ASAP3: variants seen among roughly 807,000 people sequenced by gnomAD.
ASAP3 encodes ArfGAP with SH3 domain, ankyrin repeat and PH domain 3, also known as arf-GAP with SH3 domain, ANK repeat and PH domain-containing protein 3.
A neutral mutation model predicts 118.2 loss-of-function variants in ASAP3; 85 were observed. The observed-to-expected ratio is 0.72, with a 90% CI of 0.60 to 0.86. The LOEUF is 0.86. Among genes scored for constraint, ASAP3 ranks in the 40% least tolerant of loss-of-function variants. The pLI is 0.00. For missense variants in ASAP3, 1,026 were observed against 1,175.0 expected, an observed-to-expected ratio of 0.87 and a Z score of 1.85; for synonymous variants, 432 against 477.4, an observed-to-expected ratio of 0.90 and a Z score of 1.24.
intron 5 of ASAP3, among the ~76,000 whole-genome samples, chr1:23,450,047 C>A (rs969923152): frequency 1.3e-5 from 2 of 152,204 alleles, no homozygotes; most frequent in African/African-American, 4.8e-5. Flanking sequence ...CCATCACAGG[C>A]AGGGATAGGG....
At chr1:23,430,405 C>T in intron 24 of ASAP3, among the ~76,000 whole-genome samples, 1 of 152,212 alleles carries the variant, frequency 6.6e-6, no homozygotes, top group Admixed American at 6.5e-5. Flanking sequence ...CTAGGTTCAA[C>T]TAATATATGC....
intron 1 of ASAP3, among the ~76,000 whole-genome samples, chr1:23,474,652 C>T (rs746538377): frequency 2.6e-5 from 4 of 152,042 alleles, no homozygotes; most frequent in Non-Finnish European, 4.4e-5. Flanking sequence ...GGCGCAATCT[C>T]GGCTCACTGC....
chr1:23,463,022 C>T (rs752004501), intron 1 of ASAP3, among the ~76,000 whole-genome samples: 4 of 152,004 alleles, frequency 2.6e-5, no homozygotes, highest in Non-Finnish European at 4.4e-5. Flanking sequence ...GGAGGGAATG[C>T]TTGGTAAAAA....
intron 10 of ASAP3, among the ~76,000 whole-genome samples, chr1:23,440,627 C>T (rs931608023): frequency 1.4e-5 from 2 of 147,990 alleles, no homozygotes; most frequent in Admixed American, 6.7e-5. Context: ...GAGGCTGAGG[C>T]GGGCGGATCA....
At chr1:23,471,348 A>G (rs2148657917) in intron 1 of ASAP3, among the ~76,000 whole-genome samples, 1 of 152,200 alleles carries the variant, frequency 6.6e-6, no homozygotes, top group Non-Finnish European at 1.5e-5. Context: ...TCCTATGCCC[A>G]CTACAGGCTT....
intron 5 of ASAP3, among the ~76,000 whole-genome samples, chr1:23,449,932 AG>A (rs1243456278): frequency 3.3e-5 from 5 of 152,370 alleles, no homozygotes; most frequent in Middle Eastern, 3.4e-3. Context: ...AAGGTAACTC[AG>A]GAAGAAGAGG....
At chr1:23,444,043 A>G (rs893856504) in intron 5 of ASAP3, among the ~76,000 whole-genome samples, 14 of 151,862 alleles carry the variant, frequency 9.2e-5, no homozygotes, top group African/African-American at 3.1e-4. Flanking sequence ...TAACTTTTGT[A>G]TTTTTAGTAG....
intron 1 of ASAP3, among the ~76,000 whole-genome samples, chr1:23,457,941 G>C (rs553367051): frequency 6.6e-6 from 1 of 152,358 alleles, no homozygotes; most frequent in African/African-American, 2.4e-5. Context: ...TTAGCTTGGT[G>C]CTAGGCATGG....
At chr1:23,480,115 T>C (rs1642262461) in intron 1 of ASAP3, 1 of 152,280 alleles carries the variant, frequency 6.6e-6, no homozygotes, top group African/African-American at 2.4e-5. Context: ...TGAGCCATGA[T>C]TGTGCCACTG....
At chr1:23,451,840 C>T (rs1641224872) in intron 4 of ASAP3, among the ~76,000 whole-genome samples, 1 of 152,168 alleles carries the variant, frequency 6.6e-6, no homozygotes, top group Non-Finnish European at 1.5e-5. Context: ...ACCCTGAGTC[C>T]TCTTGCTCAG....
chr1:23,452,967 G>A (rs986536455), intron 3 of ASAP3, among the ~76,000 whole-genome samples, 196 bp from the exon 4 acceptor site: 3 of 152,070 alleles, frequency 2.0e-5, no homozygotes, highest in Non-Finnish European at 4.4e-5. Context: ...CTGCGGGGGG[G>A]GACTAGAGGA....
chr1:23,454,778 G>A (rs2148635344), intron 3 of ASAP3, among the ~76,000 whole-genome samples: 1 of 152,338 alleles, frequency 6.6e-6, no homozygotes, highest in East Asian at 1.9e-4. Flanking sequence ...TTACCATAAA[G>A]TAGGCACTAA....
chr1:23,446,689 C>T (rs749411847), intron 5 of ASAP3, among the ~76,000 whole-genome samples: 1 of 152,144 alleles, frequency 6.6e-6, no homozygotes, highest in South Asian at 2.1e-4. Context: ...CTGCCTGCCT[C>T]GGCCTCCCAA....
At chr1:23,444,520 G>A (rs1398520122) in intron 5 of ASAP3, among the ~76,000 whole-genome samples, 2 of 152,204 alleles carry the variant, frequency 1.3e-5, no homozygotes, top group South Asian at 2.1e-4. Flanking sequence ...CCCTCTCTGA[G>A]CCTTGGTCTC....
At chr1:23,435,757 G>A (rs1339191616) in intron 17 of ASAP3, 94 bp downstream of exon 17, 24 of 1,388,778 alleles carry the variant, frequency 1.7e-5, no homozygotes, top group Non-Finnish European at 2.3e-5. Context: ...AGATGTCAGA[G>A]GTGGGGTGGA....
At position 23,484,170 on chromosome 1, in the gene ASAP3, G is replaced by T. The variant is rs778028148; in HGVS notation, c.-37C>A. ...GCGTGGAGCTGCCGGAGCGGGGCGC[G>T]GGGGGCACTGAGCTGCTCCGCGCTG... On this transcript the variant is annotated 5_prime_UTR_variant, in exon 1 of 25. Transcript: ENST00000336689. 7 of 1,244,202 alleles carry T rather than the reference G, an allele frequency of 5.6e-6. No homozygotes were observed. Among genetic ancestry groups the T allele is most frequent in the South Asian group, 3.2e-5 (1 of 31,542 alleles). 77.1% of individuals were successfully genotyped at this position (1,244,202 alleles called of 1,614,324 possible).
At chr1:23,432,250 G>A (rs1162390699) in intron 22 of ASAP3, among the ~76,000 whole-genome samples, 3 of 152,064 alleles carry the variant, frequency 2.0e-5, no homozygotes, top group Non-Finnish European at 4.4e-5. Flanking sequence ...GGGGTGATCC[G>A]CCTGCTTCGG....
chr1:23,483,363 C>T (rs1642372878), intron 1 of ASAP3, among the ~76,000 whole-genome samples: 1 of 152,062 alleles, frequency 6.6e-6, no homozygotes, highest in African/African-American at 2.4e-5. Flanking sequence ...GAAGGAACTC[C>T]GAAGAGCATG....
chr1:23,441,788 G>A, intron 7 of ASAP3, 58 bp from the exon 8 acceptor site: 3 of 1,553,804 alleles, frequency 1.9e-6, no homozygotes, highest in Non-Finnish European at 2.7e-6. Context: ...GAGAGATGAA[G>A]CCAGAAGTGT....
Sources: allele counts gnomAD v4.1 joint callset (sites outside exome capture counted in the v4.1 genomes callset), GRCh38; gene constraint gnomAD v4.1.1; transcripts MANE v1.5; gene names NCBI Gene and HGNC (gene_info 2026-07-23, HGNC 2026-07-21).